The following MRPL1 variants were observed in gnomAD, a reference collection of about 807,000 sequenced individuals.
MRPL1 encodes mitochondrial ribosomal protein L1.
In MRPL1, 28 loss-of-function variants were observed where a neutral mutation model predicts 38.0. The observed-to-expected ratio is 0.74, with a 90% confidence interval of 0.55 to 1.01. MRPL1 has a LOEUF of 1.01. Among genes scored for constraint, MRPL1 ranks in the 50% least tolerant of loss-of-function variants. The pLI is 0.00. For synonymous variants in MRPL1, 123 were observed against 126.7 expected (o/e 0.97, Z 0.20); for missense variants, 358 against 389.8 (o/e 0.92, Z 0.69).
At position 77,941,366 on chromosome 4, in the gene MRPL1, G is replaced by A. The variant is rs1737129001; in HGVS notation, c.778-8431G>A. On this transcript the variant is annotated intron_variant, in intron 7 of 8. Coordinates refer to ENST00000315567, the MANE Select transcript of MRPL1 (RefSeq NM_020236.4). ...TGTTCTTTCCTGGTTTTGGTATTAG[G>A]GTGATATTGGCTTCATAGAACAATT... Among the ~76,000 whole-genome samples, 3 of 152,120 alleles carry A rather than the reference G, an allele frequency of 2.0e-5. 1 individual carries two copies. In the South Asian group the frequency reaches 6.2e-4, roughly 32 times the overall value.
At chr4:77,942,433 G>GAC (rs1297413679) in intron 7 of MRPL1, among the ~76,000 whole-genome samples, 1 of 152,120 alleles carries the variant, frequency 6.6e-6, no homozygotes, top group African/African-American at 2.4e-5. Context: ...TTTCTGTCTT[G>GAC]ATGGCCTGTC....
At chr4:77,943,083 A>G (rs1381643462) in intron 7 of MRPL1, among the ~76,000 whole-genome samples, 1 of 152,124 alleles carries the variant, frequency 6.6e-6, no homozygotes, top group Non-Finnish European at 1.5e-5. Flanking sequence ...GGTAGTGGCA[A>G]ATTCTCTCAG....
At chr4:77,932,153 GCAA>G (rs1736859764) in intron 7 of MRPL1, among the ~76,000 whole-genome samples, 1 of 152,216 alleles carries the variant, frequency 6.6e-6, no homozygotes, top group South Asian at 2.1e-4. Context: ...ACTTCTGGGA[GCAA>G]CAACAACTGT....
Position 77,889,646 on chromosome 4 carries a change from G to A in MRPL1, c.558+2355G>A, listed in dbSNP as rs527759785. ...TAACTAAGATCAGAACAGAACTGAA[G>A]GAGATAGAGATACAAAAAACCCTTC... On this transcript the variant is annotated intron_variant, in intron 5 of 8. Transcript: ENST00000315567. 1.4e-4 allele frequency among the ~76,000 whole-genome samples: 22 copies of A among 152,244 alleles called. No individual in the cohort carries two copies. In the South Asian group the frequency reaches 3.3e-3, roughly 23 times the overall value.
intron 7 of MRPL1, among the ~76,000 whole-genome samples, chr4:77,947,169 A>C (rs1737290067): frequency 6.6e-6 from 1 of 152,214 alleles, no homozygotes; most frequent in African/African-American, 2.4e-5. Flanking sequence ...CTGAGCCACT[A>C]CCCTGACATC....
chr4:77,892,005 A>C (rs900270845), intron 5 of MRPL1, among the ~76,000 whole-genome samples: 2 of 152,222 alleles, frequency 1.3e-5, no homozygotes, highest in Admixed American at 1.3e-4. Flanking sequence ...AGGTAAATTC[A>C]ATACAGTTTA....
chr4:77,948,424 C>T (rs940695352), intron 7 of MRPL1, among the ~76,000 whole-genome samples: 21 of 152,078 alleles, frequency 1.4e-4, no homozygotes, highest in African/African-American at 4.1e-4. Context: ...AAAGTCTGTA[C>T]GGTGTATGGA....
intron 7 of MRPL1, among the ~76,000 whole-genome samples, chr4:77,923,342 C>T (rs1000173479): frequency 5.9e-5 from 9 of 151,922 alleles, no homozygotes; most frequent in Admixed American, 2.0e-4. Context: ...GTGATCTGCC[C>T]GCCTCAGCCT....
chr4:77,887,293 TAC>T lies in MRPL1; in HGVS notation c.558+4_558+5del, dbSNP rs1735700887. On this transcript the variant is annotated splice_donor_region_variant and intron_variant, in intron 5 of 8. Coordinates refer to ENST00000315567, the MANE Select transcript of MRPL1 (RefSeq NM_020236.4). ...GGAGGCACTAGTCTGATACAGAAGG[TAC>T]AGTGTTGTTTTCATGTTCATTAAGT... 1 of 1,610,962 alleles carries T rather than the reference TAC, an allele frequency of 6.2e-7. No individual in the cohort carries two copies. The highest frequency in any genetic ancestry group is 8.5e-7 in the Non-Finnish European group (1 of 1,177,092).
chr4:77,867,517 T>G (rs1258510789), intron 1 of MRPL1, among the ~76,000 whole-genome samples: 1 of 151,768 alleles, frequency 6.6e-6, no homozygotes, highest in Non-Finnish European at 1.5e-5. Context: ...GAGCAGGAAT[T>G]AATTGGATAA....
At chr4:77,932,126 A>G (rs991790225) in intron 7 of MRPL1, among the ~76,000 whole-genome samples, 3 of 152,224 alleles carry the variant, frequency 2.0e-5, no homozygotes, top group Admixed American at 6.5e-5. Flanking sequence ...CAGCCTGCTC[A>G]AGAAACTCAA....
At chr4:77,942,530 TA>T (rs1737160644) in intron 7 of MRPL1, among the ~76,000 whole-genome samples, 2 of 152,236 alleles carry the variant, frequency 1.3e-5, no homozygotes, top group African/African-American at 4.8e-5. Context: ...AGTTGTTTTA[TA>T]AATTTGGGAG....
At chr4:77,874,051 C>T (rs931539142) in intron 2 of MRPL1, among the ~76,000 whole-genome samples, 7 of 148,820 alleles carry the variant, frequency 4.7e-5, no homozygotes, top group Non-Finnish European at 1.0e-4. Flanking sequence ...TGGGCTGGAG[C>T]GCGGTGCTGC....
At chr4:77,888,901 C>T (rs1735744389) in intron 5 of MRPL1, among the ~76,000 whole-genome samples, 1 of 151,982 alleles carries the variant, frequency 6.6e-6, no homozygotes, top group South Asian at 2.1e-4. Flanking sequence ...GTGATGTTCC[C>T]CACCCTGTCA....
intron 7 of MRPL1, among the ~76,000 whole-genome samples, chr4:77,918,368 T>C (rs1311795145): frequency 2.0e-5 from 3 of 152,190 alleles, no homozygotes; most frequent in Non-Finnish European, 1.5e-5. Flanking sequence ...CTCCACAGGA[T>C]TATCCAGGGA....
chr4:77,885,277 A>G lies in MRPL1; in HGVS notation c.424A>G (p.Ser142Gly), dbSNP rs1490814622. The G allele has an allele frequency of 6.2e-7, 1 of 1,613,744 alleles. No homozygotes were observed. The highest frequency in any genetic ancestry group is 1.7e-5 in the Admixed American group (1 of 60,024). ...GKKKNVEPFT[S>G]VLSLPYPFAS... ...TTAGAAAAACGTGGAGCCATTTACC[A>G]GTGTTCTTAGTTTGCCATACCCATT... Residue 142 changes from serine (S) to glycine (G), a missense_variant, in exon 4 of 9, where the codon AGT becomes GGT. Transcript: ENST00000315567.
chr4:77,888,687 A>C (rs1360679557), intron 5 of MRPL1, among the ~76,000 whole-genome samples: 7 of 152,148 alleles, frequency 4.6e-5, no homozygotes, highest in African/African-American at 1.7e-4. Flanking sequence ...TTCCTCCTCT[A>C]GATAAAATCC....
intron 7 of MRPL1, among the ~76,000 whole-genome samples, chr4:77,943,505 A>G (rs556715000): frequency 3.3e-5 from 5 of 152,064 alleles, no homozygotes; most frequent in Admixed American, 6.5e-5. Context: ...AGGAACACCA[A>G]TTATTCTTAG....
intron 6 of MRPL1, among the ~76,000 whole-genome samples, chr4:77,908,931 T>C (rs1736223075): frequency 6.6e-6 from 1 of 152,248 alleles, no homozygotes; most frequent in Admixed American, 6.5e-5. Context: ...GCTCTCAGCT[T>C]ATTGCCCTGT....
Sources: gnomAD v4.1 joint callset for allele counts (sites outside exome capture counted in the v4.1 genomes callset) on GRCh38, gnomAD v4.1.1 for gene constraint, MANE v1.5 for transcripts, NCBI Gene and HGNC (gene_info 2026-07-23, HGNC 2026-07-21) for gene names.